The following CES1 variants were observed in gnomAD, a reference collection of about 807,000 sequenced individuals.
CES1 encodes the protein carboxylesterase 1.
A neutral mutation model predicts 53.0 loss-of-function variants in CES1; 50 were observed. The ratio of observed to expected loss-of-function variants is 0.94; its 90% CI spans 0.75 to 1.19. The LOEUF (loss-of-function observed/expected upper bound fraction) is 1.19. Ranked by LOEUF, CES1 falls within the 50% of genes most tolerant of loss-of-function variation. The pLI is 0.00. For synonymous variants in CES1, 202 were observed against 210.1 expected, an observed-to-expected ratio of 0.96 and a Z score of 0.33; for missense variants, 534 against 538.0, an observed-to-expected ratio of 0.99 and a Z score of 0.07.
chr16:55,810,864 A>G (rs2031658459), intron 10 of CES1, 63 bp downstream of exon 10: 3 of 1,495,504 alleles, frequency 2.0e-6, no homozygotes, highest in Non-Finnish European at 2.8e-6. Context: ...TTGCTCTATG[A>G]TTTGGGCAAG....
intron 2 of CES1, among the ~76,000 whole-genome samples, chr16:55,827,023 C>A (rs1226608968): frequency 5.3e-5 from 8 of 152,118 alleles, no homozygotes; most frequent in African/African-American, 1.9e-4. Flanking sequence ...GGTTAGAGAA[C>A]CTGACCAAGG....
At chr16:55,830,813 G>GGAAGGAAT (rs2032625556) in intron 1 of CES1, among the ~76,000 whole-genome samples, 1 of 149,720 alleles carries the variant, frequency 6.7e-6, no homozygotes, top group Non-Finnish European at 1.5e-5. Context: ...AAGGAAGGAA[G>GGAAGGAAT]GAAGGAAGGC....
At chr16:55,822,134 G>T (rs1340067928) in intron 4 of CES1, among the ~76,000 whole-genome samples, 2 of 152,246 alleles carry the variant, frequency 1.3e-5, no homozygotes, top group African/African-American at 4.8e-5. Context: ...GCTAGAGAGG[G>T]CCCTGGGGCC....
At chr16:55,830,192 G>A (rs1459997963) in intron 1 of CES1, among the ~76,000 whole-genome samples, 2 of 152,252 alleles carry the variant, frequency 1.3e-5, no homozygotes, top group Non-Finnish European at 2.9e-5. Context: ...ATTATGGAAA[G>A]CCCAGTTACA....
chr16:55,820,661 C>A (rs1285482090), intron 5 of CES1, among the ~76,000 whole-genome samples, 182 bp from the exon 6 acceptor site: 2 of 152,152 alleles, frequency 1.3e-5, no homozygotes, highest in Non-Finnish European at 2.9e-5. Context: ...CAGCACCTCT[C>A]ATCTGGGTTT....
At chr16:55,818,650 A>C (rs1255363988) in intron 7 of CES1, among the ~76,000 whole-genome samples, 1 of 113,782 alleles carries the variant, frequency 8.8e-6, no homozygotes, top group Non-Finnish European at 1.9e-5. Context: ...ATATGAATGT[A>C]TTTCTCTTTG....
chr16:55,832,942 C>T, intron 1 of CES1, 62 bp downstream of exon 1: 1 of 1,364,552 alleles, frequency 7.3e-7, no homozygotes. Flanking sequence ...CATCTGCGCC[C>T]ACCTCGGCCC....
chr16:55,814,305 C>T (rs1428388193), intron 8 of CES1, among the ~76,000 whole-genome samples: 4 of 152,260 alleles, frequency 2.6e-5, no homozygotes, highest in Admixed American at 6.5e-5. Flanking sequence ...AGAGAGAGCC[C>T]AACTCATGTG....
chr16:55,808,766 A>G (rs372520765), intron 11 of CES1, among the ~76,000 whole-genome samples: 2 of 152,172 alleles, frequency 1.3e-5, no homozygotes, highest in South Asian at 2.1e-4. Flanking sequence ...TAACACAGCC[A>G]TTTCATGGAA....
At chr16:55,820,620 C>T in intron 5 of CES1, 141 bp from the exon 6 acceptor site, 2 of 1,408,786 alleles carry the variant, frequency 1.4e-6, no homozygotes, top group Non-Finnish European at 9.9e-7. Flanking sequence ...CTCTGCCCAC[C>T]TCAAGGAGGT....
intron 9 of CES1, among the ~76,000 whole-genome samples, chr16:55,812,174 T>C (rs1805150243): frequency 6.6e-6 from 1 of 152,252 alleles, no homozygotes; most frequent in Admixed American, 6.5e-5. Flanking sequence ...GTCAGTTTTG[T>C]TTATCTTCAA....
At chr16:55,817,091 C>T in intron 7 of CES1, 129 bp from the exon 8 acceptor site, 1 of 984,742 alleles carries the variant, frequency 1.0e-6, no homozygotes, top group South Asian at 1.3e-5. Flanking sequence ...TATATGTGAC[C>T]TGCGGTGCTC....
rs538762799 is a variant in CES1 at position 55,828,988 on chromosome 16, A to G, written c.53-14T>C. On this transcript the variant is annotated splice_polypyrimidine_tract_variant and intron_variant, in intron 1 of 13. Transcript: ENST00000360526. Reference sequence around the variant, plus strand: ...ACGGATGCCCTGCTGGACATGGAGAATAAATCAGGATGCATCAGAGGCAAA... The same window carrying G: ...ACGGATGCCCTGCTGGACATGGAGAGTAAATCAGGATGCATCAGAGGCAAA... 1.3e-6 allele frequency: 2 copies of G among 1,590,838 alleles called. No homozygotes were observed. Among genetic ancestry groups the G allele is most frequent in the Non-Finnish European group, 1.7e-6 (2 of 1,168,360 alleles).
chr16:55,816,625 C>T (rs1346153490), intron 8 of CES1, among the ~76,000 whole-genome samples: 1 of 152,164 alleles, frequency 6.6e-6, no homozygotes, highest in Non-Finnish European at 1.5e-5. Flanking sequence ...CAGCCTCCTC[C>T]TACAGTGCCA....
intron 1 of CES1, among the ~76,000 whole-genome samples, chr16:55,830,829 G>GGAAGGTAA (rs2032632520): frequency 7.0e-6 from 1 of 143,694 alleles, no homozygotes; most frequent in Non-Finnish European, 1.6e-5. Flanking sequence ...AAGGCAGGCA[G>GGAAGGTAA]GCAGGCAGGC....
intron 9 of CES1, among the ~76,000 whole-genome samples, chr16:55,811,914 T>A (rs1360060723): frequency 1.3e-5 from 2 of 152,226 alleles, no homozygotes; most frequent in East Asian, 3.8e-4. Context: ...TGCGGTCTAA[T>A]GCATGGCTTC....
chr16:55,808,877 T>C (rs1277272283), intron 11 of CES1, among the ~76,000 whole-genome samples: 1 of 152,108 alleles, frequency 6.6e-6, no homozygotes, highest in Non-Finnish European at 1.5e-5. Context: ...TTAAAGTATA[T>C]AGGACATGGA....
chr16:55,812,851 G>C, intron 9 of CES1, 52 bp downstream of exon 9: 3 of 1,612,006 alleles, frequency 1.9e-6, no homozygotes, highest in Non-Finnish European at 2.5e-6. Flanking sequence ...ACCAGAGACA[G>C]GAGGGCTGAT....
Position 55,833,088 on chromosome 16 carries a change from G to A in CES1, c.-33C>T, listed in dbSNP as rs1291661399. ...GGGCGACAGTTCTCGGGGCCTGCGA[G>A]GTCTCTGTGCAGTTCAGAGGGACTG... On this transcript the variant is annotated 5_prime_UTR_variant, in exon 1 of 14. Coordinates refer to ENST00000360526, the MANE Select transcript of CES1 (RefSeq NM_001025195.2). 1.3e-6 allele frequency: 2 copies of A among 1,537,278 alleles called. 1 individual carries two copies. The highest frequency in any genetic ancestry group is 1.8e-6 in the Non-Finnish European group (2 of 1,116,336).
Sources: gnomAD v4.1 joint callset for allele counts (sites outside exome capture counted in the v4.1 genomes callset) on GRCh38, gnomAD v4.1.1 for gene constraint, MANE v1.5 for transcripts, NCBI Gene and HGNC (gene_info 2026-07-23, HGNC 2026-07-21) for gene names.